ATXN1: variants seen among roughly 807,000 people sequenced by gnomAD.
ATXN1 encodes ataxin-1.
Under a neutral mutation model 56.4 loss-of-function variants are expected in ATXN1, and 8 were observed. The ratio of observed to expected loss-of-function variants is 0.14; its 90% CI spans 0.08 to 0.26. ATXN1 has a LOEUF of 0.26. Among genes scored for constraint, ATXN1 ranks in the 10% least tolerant of loss-of-function variants. The pLI, the probability that ATXN1 is intolerant of heterozygous loss-of-function variation, is 1.00. For synonymous variants in ATXN1, 514 were observed against 494.6 expected, an observed-to-expected ratio of 1.04 and a Z score of -0.52; for missense variants, 987 against 1,106.5, an observed-to-expected ratio of 0.89 and a Z score of 1.53.
intron 4 of ATXN1, among the ~76,000 whole-genome samples, chr6:16,541,614 T>C (rs1275519898): frequency 1.3e-5 from 2 of 152,180 alleles, no homozygotes; most frequent in African/African-American, 4.8e-5. Context: ...GGCGGCAGAC[T>C]TCATTCCACA....
At chr6:16,696,246 C>T (rs980575266) in intron 2 of ATXN1, among the ~76,000 whole-genome samples, 2 of 151,980 alleles carry the variant, frequency 1.3e-5, no homozygotes, top group African/African-American at 4.8e-5. Flanking sequence ...CTTAAGTTTA[C>T]AGATATAGGC....
At chr6:16,588,230 G>A (rs561119570) in intron 3 of ATXN1, among the ~76,000 whole-genome samples, 141 of 152,080 alleles carry the variant, frequency 9.3e-4, no homozygotes, top group African/African-American at 3.3e-3. Context: ...CCCCTAACAC[G>A]TCTCCCCGCG....
intron 7 of ATXN1, among the ~76,000 whole-genome samples, chr6:16,316,675 A>G (rs1581684499): frequency 6.6e-6 from 1 of 152,136 alleles, no homozygotes; most frequent in East Asian, 1.9e-4. Context: ...TGAACCTGGG[A>G]GGCGGAGGTT....
At chr6:16,386,901 G>T (rs1166931109) in intron 6 of ATXN1, among the ~76,000 whole-genome samples, 1 of 151,984 alleles carries the variant, frequency 6.6e-6, no homozygotes, top group Non-Finnish European at 1.5e-5. Context: ...CAAACTCCTG[G>T]GCTCAAGCAA....
At chr6:16,610,815 A>T (rs902708886) in intron 3 of ATXN1, among the ~76,000 whole-genome samples, 2 of 151,874 alleles carry the variant, frequency 1.3e-5, no homozygotes, top group East Asian at 3.9e-4. Context: ...CTTGAGGCCA[A>T]GAGTTTAAAA....
At chr6:16,346,023 A>C (rs1200072148) in intron 6 of ATXN1, among the ~76,000 whole-genome samples, 2 of 152,200 alleles carry the variant, frequency 1.3e-5, no homozygotes, top group Non-Finnish European at 2.9e-5. Flanking sequence ...AATTGACTGC[A>C]TCCGGCAGGA....
At chr6:16,622,273 G>A (rs1453882084) in intron 3 of ATXN1, among the ~76,000 whole-genome samples, 1 of 152,210 alleles carries the variant, frequency 6.6e-6, no homozygotes, top group Non-Finnish European at 1.5e-5. Flanking sequence ...CAAAGACCCT[G>A]AGGGAGGAAC....
intron 4 of ATXN1, among the ~76,000 whole-genome samples, chr6:16,562,750 A>T: frequency 6.6e-6 from 1 of 152,196 alleles, no homozygotes; most frequent in East Asian, 1.9e-4. Flanking sequence ...TAGAACACAG[A>T]CTATGTTTTC....
At chr6:16,683,978 G>A (rs1427057273) in intron 2 of ATXN1, among the ~76,000 whole-genome samples, 1 of 152,176 alleles carries the variant, frequency 6.6e-6, no homozygotes, top group African/African-American at 2.4e-5. Flanking sequence ...CCTTGGTCTG[G>A]CATGCTGACA....
At position 16,305,525 on chromosome 6, in the gene ATXN1, G is replaced by A. The variant is rs1388479539; in HGVS notation, c.*804C>T. On this transcript the variant is annotated 3_prime_UTR_variant, in exon 8 of 8. Coordinates refer to ENST00000436367, the MANE Select transcript of ATXN1 (RefSeq NM_001128164.2). ...CCACCCCCAACCCCCCTTACCCCAT[G>A]TGGGGCCATGACAGCAGGGGCTTCC... 6.7e-6 allele frequency: 1 copy of A among 150,264 alleles called. No homozygotes were observed. The highest frequency in any genetic ancestry group is 1.5e-5 in the Non-Finnish European group (1 of 67,586). The allele number at this position is 150,264 out of a possible 1,614,324, so 9.3% of individuals were successfully genotyped here.
In ATXN1 at chr6:16,430,804, T is replaced by C. The variant is rs140997529; in HGVS notation, c.-161+55168A>G. On this transcript the variant is annotated intron_variant, in intron 6 of 7. Coordinates refer to ENST00000436367, the MANE Select transcript of ATXN1 (RefSeq NM_001128164.2). The stretch of plus-strand genomic sequence containing the variant: ...GCCAACCATATTTCATCTAACTCTC[T>C]TGACTGAGTCATTCCTATGGGATTA... Among the ~76,000 whole-genome samples the C allele has an allele frequency of 5.4e-3, 819 of 152,276 alleles. 3 individuals carry two copies. The highest frequency in any genetic ancestry group is 0.017 in the Middle Eastern group (5 of 294).
At chr6:16,524,173 G>A (rs1264426775) in intron 4 of ATXN1, among the ~76,000 whole-genome samples, 1 of 152,148 alleles carries the variant, frequency 6.6e-6, no homozygotes, top group Non-Finnish European at 1.5e-5. Context: ...AAGATTCCCA[G>A]ACTCAGTTCC....
intron 5 of ATXN1, among the ~76,000 whole-genome samples, chr6:16,487,860 GA>G (rs975474900): frequency 6.6e-6 from 1 of 152,126 alleles, no homozygotes; most frequent in African/African-American, 2.4e-5. Context: ...ATTCGAACAG[GA>G]AAGTCAAAAA....
At chr6:16,345,786 C>T (rs1761370301) in intron 6 of ATXN1, among the ~76,000 whole-genome samples, 1 of 152,278 alleles carries the variant, frequency 6.6e-6, no homozygotes, top group African/African-American at 2.4e-5. Context: ...AATAAAAAAG[C>T]TGAGTAATTA....
At chr6:16,340,374 G>A (rs917374279) in intron 6 of ATXN1, among the ~76,000 whole-genome samples, 16 of 152,204 alleles carry the variant, frequency 1.1e-4, no homozygotes, top group East Asian at 3.8e-4. Flanking sequence ...GCTGAGGTTC[G>A]CGTGAGCTTC....
intron 2 of ATXN1, among the ~76,000 whole-genome samples, chr6:16,751,268 CCA>C (rs1294937876): frequency 1.3e-5 from 2 of 152,080 alleles, no homozygotes; most frequent in Non-Finnish European, 2.9e-5. Context: ...TGTGCCTGGC[CCA>C]CCCTACCTTT....
intron 6 of ATXN1, among the ~76,000 whole-genome samples, chr6:16,425,329 T>G (rs1759131161): frequency 6.6e-6 from 1 of 152,244 alleles, no homozygotes; most frequent in Admixed American, 6.5e-5. Flanking sequence ...CCACGTGTAT[T>G]ACTTTAAAAT....
At chr6:16,363,783 A>G (rs534653141) in intron 6 of ATXN1, among the ~76,000 whole-genome samples, 1 of 152,130 alleles carries the variant, frequency 6.6e-6, no homozygotes, top group Non-Finnish European at 1.5e-5. Context: ...GTCAGGAGTG[A>G]GTTAGTAAGC....
At chr6:16,380,036 G>A (rs1700033143) in intron 6 of ATXN1, among the ~76,000 whole-genome samples, 2 of 152,324 alleles carry the variant, frequency 1.3e-5, no homozygotes, top group South Asian at 4.1e-4. Context: ...TTAGCCACAG[G>A]ATTTTCTTCA....
Sources: allele counts gnomAD v4.1 joint callset (sites outside exome capture counted in the v4.1 genomes callset), GRCh38; gene constraint gnomAD v4.1.1; transcripts MANE v1.5; gene names NCBI Gene and HGNC (gene_info 2026-07-23, HGNC 2026-07-21).